The following CACNB2 variants were observed in gnomAD, a reference collection of about 807,000 sequenced individuals.
CACNB2 encodes calcium voltage-gated channel auxiliary subunit beta 2.
A neutral mutation model predicts 73.3 loss-of-function variants in CACNB2; 42 were observed. That is an observed-to-expected ratio of 0.57 (90% CI 0.45 to 0.74). CACNB2 has a LOEUF of 0.74. Ranked by LOEUF, CACNB2 falls within the 30% of genes least tolerant of loss-of-function variation. The probability of loss-of-function intolerance (pLI) is 0.00; values close to 1 mark genes in which losing one functional copy is unlikely to be tolerated. For synonymous variants in CACNB2, 348 were observed against 310.3 expected (o/e 1.12, Z -1.28); for missense variants, 940 against 853.0 (o/e 1.10, Z -1.27).
chr10:18,242,049 A>C (rs2036673289), intron 2 of CACNB2, among the ~76,000 whole-genome samples: 1 of 151,958 alleles, frequency 6.6e-6, no homozygotes, highest in African/African-American at 2.4e-5. Flanking sequence ...AACAAAAGAG[A>C]AGGATACATT....
At chr10:18,435,600 G>A (rs1242476978) in intron 3 of CACNB2, among the ~76,000 whole-genome samples, 1 of 152,100 alleles carries the variant, frequency 6.6e-6, no homozygotes, top group African/African-American at 2.4e-5. Flanking sequence ...CCAGGCTCAA[G>A]CGATCCTCCC....
intron 2 of CACNB2, among the ~76,000 whole-genome samples, chr10:18,369,426 A>G (rs2042485998): frequency 6.6e-6 from 1 of 152,120 alleles, no homozygotes; most frequent in Non-Finnish European, 1.5e-5. Flanking sequence ...CAGGATTTTT[A>G]TTTTTGTGGG....
intron 2 of CACNB2, among the ~76,000 whole-genome samples, chr10:18,290,390 T>C (rs569493575): frequency 6.6e-6 from 1 of 152,212 alleles, no homozygotes; most frequent in South Asian, 2.1e-4. Context: ...TGAGTATATA[T>C]AAATGTCTTT....
chr10:18,363,271 C>T (rs1393377718), intron 2 of CACNB2, among the ~76,000 whole-genome samples: 4 of 152,222 alleles, frequency 2.6e-5, no homozygotes, highest in Admixed American at 2.0e-4. Flanking sequence ...TCCAGGCTCT[C>T]AACAGGATGG....
At chr10:18,485,834 C>T (rs536851514) in intron 3 of CACNB2, among the ~76,000 whole-genome samples, 37 of 151,866 alleles carry the variant, frequency 2.4e-4, no homozygotes, top group African/African-American at 8.4e-4. Context: ...CTGCCCACCT[C>T]GGCCTCCCAA....
chr10:18,150,853 G>GTTTTTTTTTTTTT (rs756678637), intron 1 of CACNB2, 30 bp from the exon 2 acceptor site: 17 of 655,464 alleles, frequency 2.6e-5, no homozygotes, highest in South Asian at 4.7e-5. Context: ...AATCTTATTT[G>GTTTTTTTTTTTTT]TCTTTTTTTT....
At chr10:18,161,692 G>A (rs1319450069) in intron 2 of CACNB2, among the ~76,000 whole-genome samples, 1 of 151,686 alleles carries the variant, frequency 6.6e-6, no homozygotes, top group Non-Finnish European at 1.5e-5. Context: ...TTGAGGCCCA[G>A]GCAGGTGAAT....
intron 3 of CACNB2, among the ~76,000 whole-genome samples, chr10:18,468,753 C>A (rs569135202): frequency 1.3e-5 from 2 of 152,148 alleles, no homozygotes; most frequent in East Asian, 2.0e-4. Flanking sequence ...GCACGCACCA[C>A]CACACCCAGC....
intron 8 of CACNB2, 78 bp downstream of exon 8, chr10:18,518,494 C>G (rs547587741): frequency 2.9e-6 from 3 of 1,023,146 alleles, no homozygotes; most frequent in Admixed American, 1.7e-5. Context: ...TCCCGACCCT[C>G]TCTCTGAATT....
At chr10:18,423,952 T>G (rs576130169) in intron 3 of CACNB2, among the ~76,000 whole-genome samples, 2 of 152,160 alleles carry the variant, frequency 1.3e-5, no homozygotes, top group Non-Finnish European at 2.9e-5. Context: ...TAATAAAAAT[T>G]TATTGAAAAT....
intron 3 of CACNB2, among the ~76,000 whole-genome samples, chr10:18,461,694 C>T (rs1201213807): frequency 6.6e-6 from 1 of 151,868 alleles, no homozygotes; most frequent in Non-Finnish European, 1.5e-5. Flanking sequence ...AAATCTAATG[C>T]CACCCACTCA....
At chr10:18,260,484 C>A (rs754819061) in intron 2 of CACNB2, 2 of 985,274 alleles carry the variant, frequency 2.0e-6, no homozygotes, top group African/African-American at 3.5e-5. Context: ...AGTGCTTGAG[C>A]GAGTCAGGTC....
chr10:18,467,805 T>C (rs1303840354), intron 3 of CACNB2, among the ~76,000 whole-genome samples: 1 of 152,150 alleles, frequency 6.6e-6, no homozygotes, highest in African/African-American at 2.4e-5. Flanking sequence ...TTTGCAAAAC[T>C]TCCATTTTTT....
intron 3 of CACNB2, among the ~76,000 whole-genome samples, chr10:18,480,531 G>T (rs1271494090): frequency 6.6e-6 from 1 of 152,198 alleles, no homozygotes; most frequent in Non-Finnish European, 1.5e-5. Context: ...GTCTTGTTGA[G>T]TTCTGTGTTC....
chr10:18,498,234 T>C, intron 3 of CACNB2, 121 bp from the exon 4 acceptor site: 6 of 1,199,464 alleles, frequency 5.0e-6, no homozygotes, highest in Non-Finnish European at 7.2e-6. Context: ...AAAGAACCAG[T>C]GCAGAGGGGA....
chr10:18,487,591 T>G (rs1343183535), intron 3 of CACNB2, among the ~76,000 whole-genome samples: 1 of 152,046 alleles, frequency 6.6e-6, no homozygotes, highest in Non-Finnish European at 1.5e-5. Context: ...TCCCAGCACT[T>G]TGGGAGACCG....
At chr10:18,459,838 A>T (rs984968759) in intron 3 of CACNB2, among the ~76,000 whole-genome samples, 2 of 152,060 alleles carry the variant, frequency 1.3e-5, no homozygotes, top group African/African-American at 4.8e-5. Context: ...GTCTCTACAG[A>T]AATACAAAAA....
chr10:18,160,220 A>C (rs1478245809), intron 2 of CACNB2, among the ~76,000 whole-genome samples: 2 of 152,184 alleles, frequency 1.3e-5, no homozygotes, highest in Non-Finnish European at 2.9e-5. Context: ...CCTCATTCAT[A>C]TATTATTTTT....
At chr10:18,140,899 G>T in intron 1 of CACNB2, 43 bp downstream of exon 1, 1 of 1,563,210 alleles carries the variant, frequency 6.4e-7, no homozygotes, top group Non-Finnish European at 8.6e-7. Flanking sequence ...GTGAGCCGCC[G>T]GGCAGGGCAC....
Sources: gnomAD v4.1 joint callset for allele counts (sites outside exome capture counted in the v4.1 genomes callset) on GRCh38, gnomAD v4.1.1 for gene constraint, MANE v1.5 for transcripts, NCBI Gene and HGNC (gene_info 2026-07-23, HGNC 2026-07-21) for gene names.